The following TCF12 variants were observed in gnomAD, a reference collection of about 807,000 sequenced individuals.
TCF12 encodes transcription factor 12, also known as DNA-binding protein HTF4.
TCF12 carries 45 observed loss-of-function variants against 86.0 expected under a neutral mutation model. That is an observed-to-expected ratio of 0.52 (90% CI 0.41 to 0.67). The LOEUF (loss-of-function observed/expected upper bound fraction) is 0.67. TCF12 is among the 30% of genes least tolerant of loss of function. The pLI is 0.00. For synonymous variants in TCF12, 330 were observed against 299.6 expected, an observed-to-expected ratio of 1.10 and a Z score of -1.05; for missense variants, 881 against 859.9, an observed-to-expected ratio of 1.02 and a Z score of -0.31.
At position 57,086,209 on chromosome 15, in the gene TCF12, G is replaced by GATAATAATAATAATA. The variant is rs1404728992; in HGVS notation, c.223-5578_223-5577insAATAATAATAATAAT. 4.4e-3 allele frequency among the ~76,000 whole-genome samples: 174 copies of GATAATAATAATAATA among 39,336 alleles called. 2 individuals carry two copies. In the Middle Eastern group the frequency reaches 0.074, roughly 17 times the overall value. The allele number at this position is 39,336 out of a possible 152,430, so 25.8% of individuals were successfully genotyped here. A position where few individuals can be genotyped will look rare whatever the true frequency, so the allele number is the denominator to read the frequency against. On this transcript the variant is annotated intron_variant, in intron 4 of 20. Transcript: ENST00000333725. ...AGACATAATCTCTAACTTGGATGAT[G>GATAATAATAATAATA]ATGATAATAATAATAATAATAATAA...
chr15:57,108,516 C>T (rs1289774514), intron 5 of TCF12, among the ~76,000 whole-genome samples: 1 of 152,152 alleles, frequency 6.6e-6, no homozygotes, highest in Non-Finnish European at 1.5e-5. Context: ...AACTCTTACA[C>T]AATTTCAGTT....
chr15:56,975,493 T>C (rs1169792942), intron 3 of TCF12, among the ~76,000 whole-genome samples: 1 of 152,186 alleles, frequency 6.6e-6, no homozygotes, highest in Non-Finnish European at 1.5e-5. Flanking sequence ...GAAATTTCTT[T>C]TAGCAATTTC....
intron 3 of TCF12, among the ~76,000 whole-genome samples, chr15:56,992,091 TA>T (rs1167630182): frequency 6.8e-6 from 1 of 147,850 alleles, no homozygotes; most frequent in Non-Finnish European, 1.5e-5. Flanking sequence ...GTGTCTCTAC[TA>T]AAAAAAAGCC....
intron 3 of TCF12, among the ~76,000 whole-genome samples, chr15:56,944,060 T>C (rs1157509901): frequency 6.6e-6 from 1 of 152,214 alleles, no homozygotes; most frequent in Non-Finnish European, 1.5e-5. Flanking sequence ...ACTTGTTTTC[T>C]TTCTGAAGAT....
At chr15:56,962,553 G>A (rs1320789464) in intron 3 of TCF12, among the ~76,000 whole-genome samples, 1 of 152,102 alleles carries the variant, frequency 6.6e-6, no homozygotes, top group African/African-American at 2.4e-5. Context: ...TGAAGAAAAA[G>A]ACTAGAATGT....
chr15:57,166,340 C>G, intron 5 of TCF12, 62 bp from the exon 6 acceptor site: 1 of 1,326,900 alleles, frequency 7.5e-7, no homozygotes, highest in Admixed American at 1.9e-5. Flanking sequence ...AATAGTCTAG[C>G]AGTTTGATTG....
chr15:57,247,686 G>A, intron 13 of TCF12: 1 of 750,544 alleles, frequency 1.3e-6, no homozygotes, highest in Non-Finnish European at 2.4e-6. Flanking sequence ...ACTGTTAGAT[G>A]GGCACCAGAC....
At chr15:57,099,887 A>G (rs1596523204) in intron 5 of TCF12, among the ~76,000 whole-genome samples, 1 of 150,686 alleles carries the variant, frequency 6.6e-6, no homozygotes, top group Non-Finnish European at 1.5e-5. Context: ...TTTTTAAGTT[A>G]TCTGGTCTAA....
At chr15:57,153,183 T>A (rs1248094061) in intron 5 of TCF12, among the ~76,000 whole-genome samples, 4 of 151,962 alleles carry the variant, frequency 2.6e-5, no homozygotes, top group African/African-American at 9.7e-5. Context: ...ACTGCTGGAG[T>A]AAGTTCTTCA....
At chr15:57,222,930 G>C (rs1473825373) in intron 8 of TCF12, among the ~76,000 whole-genome samples, 1 of 151,442 alleles carries the variant, frequency 6.6e-6, no homozygotes, top group Non-Finnish European at 1.5e-5. Context: ...CCTTTTCATT[G>C]TATGAGGAAA....
chr15:57,231,382 T>A, intron 9 of TCF12, 125 bp downstream of exon 9: 1 of 683,174 alleles, frequency 1.5e-6, no homozygotes, highest in Non-Finnish European at 2.5e-6. Context: ...TTGGCTAAAT[T>A]AAAATTTAGC....
intron 13 of TCF12, among the ~76,000 whole-genome samples, chr15:57,246,155 C>A (rs2059848736): frequency 6.6e-6 from 1 of 152,118 alleles, no homozygotes; most frequent in Non-Finnish European, 1.5e-5. Context: ...GAATTGTCCA[C>A]ACTTGCCCTA....
At chr15:56,941,826 C>G (rs751383205) in intron 3 of TCF12, among the ~76,000 whole-genome samples, 3 of 151,990 alleles carry the variant, frequency 2.0e-5, no homozygotes, top group Non-Finnish European at 4.4e-5. Context: ...CTATATCAGT[C>G]TGGAGGTATG....
At chr15:57,231,774 A>G (rs1424557050) in intron 9 of TCF12, among the ~76,000 whole-genome samples, 3 of 152,194 alleles carry the variant, frequency 2.0e-5, no homozygotes, top group African/African-American at 7.2e-5. Flanking sequence ...TTATTACATA[A>G]ATGGTTCCTT....
At chr15:57,155,193 T>C (rs562792919) in intron 5 of TCF12, among the ~76,000 whole-genome samples, 1 of 152,302 alleles carries the variant, frequency 6.6e-6, no homozygotes, top group South Asian at 2.1e-4. Context: ...TTTTCTTTTC[T>C]TCCTTCCTTC....
At chr15:57,262,844 C>T (rs753908663) in intron 17 of TCF12, among the ~76,000 whole-genome samples, 170 of 152,268 alleles carry the variant, frequency 1.1e-3, no homozygotes, top group Middle Eastern at 3.4e-3. Context: ...CATCCTTGTT[C>T]ATTTGTTAAA....
At chr15:57,180,805 A>T (rs1251347572) in intron 6 of TCF12, among the ~76,000 whole-genome samples, 2 of 107,700 alleles carry the variant, frequency 1.9e-5, no homozygotes, top group African/African-American at 4.3e-5. Flanking sequence ...TGATGCTAAT[A>T]ATTTTTTTTT....
At chr15:57,006,762 C>A (rs150619205) in intron 3 of TCF12, among the ~76,000 whole-genome samples, 1 of 151,308 alleles carries the variant, frequency 6.6e-6, no homozygotes, top group Non-Finnish European at 1.5e-5. Context: ...ACCAAAAATA[C>A]AAAAATGAGC....
intron 4 of TCF12, among the ~76,000 whole-genome samples, chr15:57,074,913 G>A (rs2069751448): frequency 6.6e-6 from 1 of 152,176 alleles, no homozygotes; most frequent in Non-Finnish European, 1.5e-5. Flanking sequence ...AAGGATTGGT[G>A]TCATCAATAA....
Sources: gnomAD v4.1 joint callset for allele counts (sites outside exome capture counted in the v4.1 genomes callset) on GRCh38, gnomAD v4.1.1 for gene constraint, MANE v1.5 for transcripts, NCBI Gene and HGNC (gene_info 2026-07-23, HGNC 2026-07-21) for gene names.